The following FILIP1L variants were observed in gnomAD, a reference collection of about 807,000 sequenced individuals.
FILIP1L encodes filamin A-interacting protein 1-like.
Under a neutral mutation model 96.6 loss-of-function variants are expected in FILIP1L, and 55 were observed. The observed-to-expected ratio is 0.57, with a 90% CI of 0.46 to 0.71. The LOEUF (loss-of-function observed/expected upper bound fraction) is 0.71, where lower values mean the gene tolerates loss of function less well. Among genes scored for constraint, FILIP1L ranks in the 30% least tolerant of loss-of-function variants. The pLI is 0.00. For missense variants in FILIP1L, 1,304 were observed against 1,321.2 expected (o/e 0.99, Z 0.20); for synonymous variants, 467 against 473.9 (o/e 0.99, Z 0.19).
At chr3:99,967,382 C>T (rs1278785828) in intron 1 of FILIP1L, among the ~76,000 whole-genome samples, 2 of 152,142 alleles carry the variant, frequency 1.3e-5, no homozygotes, top group Non-Finnish European at 2.9e-5. Context: ...AGAAGCTTCT[C>T]GTGAAGAGTA....
chr3:100,012,400 A>G (rs11918816), intron 1 of FILIP1L, among the ~76,000 whole-genome samples: 8 of 152,160 alleles, frequency 5.3e-5, no homozygotes, highest in African/African-American at 1.9e-4. Context: ...GAAACAAAAT[A>G]TTATTTGTAT....
rs902597280 is a variant in FILIP1L at position 100,002,365 on chromosome 3, T to C, written c.-10-71335A>G. On this transcript the variant is annotated intron_variant, in intron 1 of 5. Coordinates refer to ENST00000477258, the MANE Select transcript of FILIP1L (RefSeq NM_001387850.1). ...GGTCTTAATACATTATATCCCCTGA[T>C]ACACATTTGCTTTCAAGCTTCTGTG... is the stretch of plus-strand genomic sequence containing the variant. 2.6e-5 allele frequency among the ~76,000 whole-genome samples: 4 copies of C among 152,210 alleles called. No homozygotes were observed. The South Asian group carries it at 6.2e-4, about 24-fold the overall frequency.
At chr3:100,036,187 A>T (rs1271835920) in intron 1 of FILIP1L, among the ~76,000 whole-genome samples, 1 of 152,230 alleles carries the variant, frequency 6.6e-6, no homozygotes, top group African/African-American at 2.4e-5. Context: ...TCAACTAAAA[A>T]GGTCTAGAAT....
At chr3:99,946,862 C>G (rs1312216893) in intron 1 of FILIP1L, among the ~76,000 whole-genome samples, 1 of 152,102 alleles carries the variant, frequency 6.6e-6, no homozygotes, top group Non-Finnish European at 1.5e-5. Context: ...GGCACTGTCT[C>G]CATCAAGGAT....
chr3:99,867,108 CT>C (rs1212128094), intron 4 of FILIP1L, among the ~76,000 whole-genome samples: 1 of 152,162 alleles, frequency 6.6e-6, no homozygotes, highest in Non-Finnish European at 1.5e-5. Context: ...GGATATTAAG[CT>C]TGCATAGCAA....
intron 4 of FILIP1L, among the ~76,000 whole-genome samples, chr3:99,883,914 T>A (rs1347153072): frequency 6.6e-6 from 1 of 152,216 alleles, no homozygotes; most frequent in Non-Finnish European, 1.5e-5. Context: ...AACTGCATAC[T>A]GACTCCAGCA....
intron 1 of FILIP1L, among the ~76,000 whole-genome samples, chr3:100,047,929 A>G (rs1025457448): frequency 2.0e-5 from 3 of 152,188 alleles, no homozygotes; most frequent in African/African-American, 7.2e-5. Context: ...CAAATTTTCT[A>G]TGGTGAGTTG....
chr3:99,941,248 C>A (rs1262567331), intron 1 of FILIP1L, among the ~76,000 whole-genome samples: 1 of 151,880 alleles, frequency 6.6e-6, no homozygotes, highest in Admixed American at 6.6e-5. Flanking sequence ...GATGAAAAAA[C>A]TGAAGTGTTA....
intron 1 of FILIP1L, among the ~76,000 whole-genome samples, chr3:100,020,489 C>T (rs1001556105): frequency 2.0e-5 from 3 of 152,088 alleles, no homozygotes; most frequent in Admixed American, 6.6e-5. Flanking sequence ...AGGCTCTAAT[C>T]GTTTTGAAGG....
intron 4 of FILIP1L, among the ~76,000 whole-genome samples, chr3:99,877,621 G>A (rs1705579277): frequency 6.6e-6 from 1 of 152,174 alleles, no homozygotes; most frequent in Non-Finnish European, 1.5e-5. Flanking sequence ...TTGCAATTGT[G>A]TACTAACATT....
intron 1 of FILIP1L, among the ~76,000 whole-genome samples, chr3:100,052,210 G>C (rs1235076609): frequency 6.6e-6 from 1 of 152,154 alleles, no homozygotes; most frequent in Non-Finnish European, 1.5e-5. Context: ...ACATGTAATT[G>C]ACTATGGCAT....
chr3:99,958,376 G>T (rs969051721), intron 1 of FILIP1L, among the ~76,000 whole-genome samples: 2 of 151,906 alleles, frequency 1.3e-5, no homozygotes, highest in Non-Finnish European at 2.9e-5. Context: ...GAGAGAACTA[G>T]GGCCTGTTAA....
intron 1 of FILIP1L, among the ~76,000 whole-genome samples, chr3:100,070,239 ATT>A (rs1576017445): frequency 1.3e-5 from 2 of 152,166 alleles, no homozygotes; most frequent in African/African-American, 4.8e-5. Context: ...TTGAAGTTAG[ATT>A]TTGTGGGGAG....
At chr3:99,840,624 G>A (rs986910981) in intron 5 of FILIP1L, among the ~76,000 whole-genome samples, 1 of 152,144 alleles carries the variant, frequency 6.6e-6, no homozygotes, top group African/African-American at 2.4e-5. Context: ...ACTCATGCAG[G>A]TTGTTGGCTT....
chr3:99,886,969 CAAAA>C lies in FILIP1L; in HGVS notation c.606-35903_606-35900del, dbSNP rs544548363. On this transcript the variant is annotated intron_variant, in intron 4 of 5. Transcript: ENST00000477258. ...TGGGCAGCAGAGGGAGACTCCATCT[CAAAA>C]AAAAAAAAAAAGTACTGGCCGGGTG... Among the ~76,000 whole-genome samples, 492 of 89,860 alleles carry C rather than the reference CAAAA, an allele frequency of 5.5e-3. 6 individuals are homozygous for C. Among genetic ancestry groups the C allele is most frequent in the African/African-American group, 0.02 (469 of 23,756 alleles). The allele number at this position is 89,860 out of a possible 152,430, so 59.0% of individuals were successfully genotyped here.
chr3:99,999,937 A>T (rs1176647836), intron 1 of FILIP1L, among the ~76,000 whole-genome samples: 1 of 152,192 alleles, frequency 6.6e-6, no homozygotes, highest in Non-Finnish European at 1.5e-5. Flanking sequence ...GTTTGTGTTG[A>T]CATAAAGGTA....
chr3:99,850,312 G>A lies in FILIP1L; in HGVS notation c.1364C>T (p.Thr455Ile), dbSNP rs778446309. Residue 455 changes from threonine to isoleucine, a missense_variant, in exon 5 of 6, where the codon ACA (threonine) becomes ATA (isoleucine). Transcript: ENST00000477258. ...CTCCAGTTCTTGAGACAACTGCTTT[G>A]TGGTCATCCTTTCTTTTTCTAAATT... ...KCNLEKERMT[T>I]KQLSQELESL... The A allele has an allele frequency of 6.8e-6, 11 of 1,613,430 alleles. No homozygotes were observed. Among genetic ancestry groups the A allele is most frequent in the Non-Finnish European group, 9.3e-6 (11 of 1,179,938 alleles).
chr3:99,935,891 A>G (rs1707650289), intron 1 of FILIP1L, among the ~76,000 whole-genome samples: 1 of 152,186 alleles, frequency 6.6e-6, no homozygotes, highest in African/African-American at 2.4e-5. Flanking sequence ...AGAGTTTGTA[A>G]TTATTTACTT....
chr3:99,848,301 T>C lies in FILIP1L; in HGVS notation c.3375A>G (p.Gln1125=). 1 of 1,613,834 alleles carries C rather than the reference T, an allele frequency of 6.2e-7. No homozygotes were observed. Among genetic ancestry groups the C allele is most frequent in the Non-Finnish European group, 8.5e-7 (1 of 1,179,878 alleles). Residue 1125 remains glutamine, a synonymous_variant, in exon 5 of 6, where the codon CAA becomes CAG. Transcript: ENST00000477258. Reference sequence around the variant, plus strand: ...AGTTATATATATTACTTACTGTAATTTGTGATTGTCGAGGAAGAGGTGTGG... The same window carrying C: ...AGTTATATATATTACTTACTGTAATCTGTGATTGTCGAGGAAGAGGTGTGG... ...PTATPLPRQS[Q]ITIKEVCKQR... is the part of the protein sequence containing the mutation.
Sources: gnomAD v4.1 joint callset for allele counts (sites outside exome capture counted in the v4.1 genomes callset) on GRCh38, gnomAD v4.1.1 for gene constraint, MANE v1.5 for transcripts, NCBI Gene and HGNC (gene_info 2026-07-23, HGNC 2026-07-21) for gene names.